UPF3B: variants seen among roughly 807,000 people sequenced by gnomAD.
UPF3B encodes UPF3B regulator of nonsense mediated mRNA decay.
In UPF3B, 7 loss-of-function variants were observed where a neutral mutation model predicts 40.3. The observed-to-expected ratio is 0.17, with a 90% CI of 0.10 to 0.33. The LOEUF is 0.33. Ranked by LOEUF, UPF3B falls within the 10% of genes least tolerant of loss-of-function variation. The pLI is 1.00. For synonymous variants in UPF3B, 117 were observed against 117.3 expected, an observed-to-expected ratio of 1.00 and a Z score of 0.01; for missense variants, 229 against 358.9, an observed-to-expected ratio of 0.64 and a Z score of 2.93.
chrX:119,850,123 C>T lies in UPF3B; in HGVS notation c.370+1372G>A, dbSNP rs1020214611. Among the ~76,000 whole-genome samples, 4 of 109,942 alleles carry T rather than the reference C, an allele frequency of 3.6e-5. No individual in the cohort carries two copies. In the East Asian group the frequency reaches 1.1e-3, roughly 31 times the overall value. On this transcript the variant is annotated intron_variant, in intron 3 of 10. Coordinates refer to ENST00000276201, the MANE Select transcript of UPF3B (RefSeq NM_080632.3). The stretch of plus-strand genomic sequence containing the variant: ...CCAGCCTGGGCAACGTAGTGAGACC[C>T]CATCTCTATAAAAAATTTAAAGAAA...
intron 5 of UPF3B, chrX:119,807,672 ACTAAAGCTCAG>A: frequency 2.1e-6 from 1 of 472,304 alleles, no homozygotes; most frequent in Non-Finnish European, 2.6e-6. Context: ...ATTAATATAT[ACTAAAGCTCAG>A]TAATTTAAGA....
At position 119,819,937 on chromosome X, in the gene UPF3B, T is replaced by C. The variant is rs192766332; in HGVS notation, c.494+3005A>G. 3.0e-3 allele frequency among the ~76,000 whole-genome samples: 310 copies of C among 102,749 alleles called. 3 individuals are homozygous for C. Among genetic ancestry groups the C allele is most frequent in the African/African-American group, 0.01 (289 of 27,638 alleles). The allele number at this position is 102,749 out of a possible 115,157, so 89.2% of individuals were successfully genotyped here. On this transcript the variant is annotated intron_variant, in intron 4 of 6. Coordinates refer to the UPF3B transcript ENST00000636792. ...TTGGCTCACTGCAATCTCCGCCTCT[T>C]GGGTTCAAACGATTCTCTAGCCTCA... is the stretch of plus-strand genomic sequence containing the variant.
chrX:119,852,225 A>T (rs2056312297), intron 1 of UPF3B, among the ~76,000 whole-genome samples: 1 of 111,846 alleles, frequency 8.9e-6, no homozygotes, highest in African/African-American at 3.3e-5. Context: ...TGTGGGTGCC[A>T]CGAAATCTTG....
At chrX:119,848,071 G>A (rs2056256517) in intron 3 of UPF3B, among the ~76,000 whole-genome samples, 1 of 109,310 alleles carries the variant, frequency 9.1e-6, no homozygotes, top group African/African-American at 3.3e-5. Context: ...CTTCAGGTCA[G>A]GAGTTTGAAA....
intron 10 of UPF3B, among the ~76,000 whole-genome samples, chrX:119,835,783 C>A (rs1180893006): frequency 1.8e-5 from 2 of 111,112 alleles, no homozygotes; most frequent in Non-Finnish European, 3.8e-5. Context: ...TGAGACCAGC[C>A]TGAGCAACAT....
At chrX:119,806,782 C>T (rs922913413) in intron 6 of UPF3B, among the ~76,000 whole-genome samples, 4 of 110,334 alleles carry the variant, frequency 3.6e-5, no homozygotes, top group Non-Finnish European at 1.9e-5. Flanking sequence ...AATCCCAGCA[C>T]TTTGGAAGGC....
chrX:119,823,542 C>A (rs867461066), intron 3 of UPF3B, among the ~76,000 whole-genome samples: 2 of 93,563 alleles, frequency 2.1e-5, no homozygotes, highest in African/African-American at 4.0e-5. Flanking sequence ...TGGCCCATTT[C>A]TTTTCTTTTT....
chrX:119,822,223 T>G (rs1332808661), intron 4 of UPF3B, among the ~76,000 whole-genome samples: 1 of 113,020 alleles, frequency 8.8e-6, no homozygotes, highest in East Asian at 2.7e-4. Flanking sequence ...TATCCTTCCC[T>G]GTACTTATAG....
chrX:119,812,089 A>C (rs1253228428), intron 5 of UPF3B, among the ~76,000 whole-genome samples: 1 of 111,221 alleles, frequency 9.0e-6, no homozygotes, highest in African/African-American at 3.3e-5. Flanking sequence ...CCCTGTCTCT[A>C]CAAAAAATAC....
At chrX:119,844,331 G>A (rs764275959) in intron 4 of UPF3B, among the ~76,000 whole-genome samples, 23 of 111,051 alleles carry the variant, frequency 2.1e-4, no homozygotes, top group Non-Finnish European at 4.0e-4. Flanking sequence ...GATTATAGGA[G>A]TGAGCCACCG....
chrX:119,826,859 CCAGT>C (rs1306055725), intron 3 of UPF3B, among the ~76,000 whole-genome samples: 11 of 111,925 alleles, frequency 9.8e-5, no homozygotes, highest in Non-Finnish European at 1.7e-4. Flanking sequence ...TGAAAGTGAT[CCAGT>C]CAAAGCGAAA....
chrX:119,817,267 G>A (rs922217445), intron 4 of UPF3B, among the ~76,000 whole-genome samples: 3 of 112,040 alleles, frequency 2.7e-5, no homozygotes, highest in South Asian at 3.6e-4. Context: ...AAGCCCAGCC[G>A]AAGAGGTTTA....
At chrX:119,807,611 G>C (rs1603364756) in intron 5 of UPF3B, 2 of 709,294 alleles carry the variant, frequency 2.8e-6, no homozygotes. Flanking sequence ...GTTACTGTTA[G>C]AACAATGCTA....
intron 5 of UPF3B, among the ~76,000 whole-genome samples, chrX:119,813,527 C>A (rs2055840538): frequency 9.1e-6 from 1 of 110,044 alleles, no homozygotes. Flanking sequence ...GCCTGCAGAA[C>A]TATAAGCCAA....
Position 119,841,031 on chromosome X carries a change from C to G in UPF3B, c.807+45G>C, listed in dbSNP as rs201492719. 4.2e-6 allele frequency: 5 copies of G among 1,186,364 alleles called. No individual in the cohort carries two copies. The Admixed American group carries it at 1.1e-4, about 26-fold the overall frequency. On this transcript the variant is annotated intron_variant, in intron 7 of 10. Transcript: ENST00000276201. The stretch of plus-strand genomic sequence containing the variant: ...GCATGCATATTTAAAGAAGTAGATA[C>G]GTGCAATTTTTAGCAACATGCAGTC...
intron 4 of UPF3B, among the ~76,000 whole-genome samples, chrX:119,818,781 C>T (rs2055886754): frequency 9.0e-6 from 1 of 111,693 alleles, no homozygotes; most frequent in African/African-American, 3.2e-5. Flanking sequence ...GTGGTTTATG[C>T]CATGGAATGT....
chrX:119,835,156 A>AAGTTGTCATTTACCGTGCCCT, intron 10 of UPF3B, 129 bp from the exon 11 acceptor site: 1 of 724,464 alleles, frequency 1.4e-6, no homozygotes, highest in Non-Finnish European at 2.1e-6. Context: ...ATGTGAGGGC[A>AAGTTGTCATTTACCGTGCCCT]CGGTAAATGA....
intron 3 of UPF3B, among the ~76,000 whole-genome samples, chrX:119,850,610 G>GA (rs2056290964): frequency 8.9e-6 from 1 of 112,328 alleles, no homozygotes; most frequent in African/African-American, 3.2e-5. Context: ...AAACCAAAAA[G>GA]AAAAGTGGCA....
chrX:119,852,654 T>C (rs2056316099), intron 1 of UPF3B, 119 bp downstream of exon 1: 5 of 1,092,180 alleles, frequency 4.6e-6, no homozygotes, highest in Non-Finnish European at 6.2e-6. Flanking sequence ...GCGACTTCCA[T>C]TCAGGCGAAG....
Sources: gnomAD v4.1 joint callset for allele counts (sites outside exome capture counted in the v4.1 genomes callset) on GRCh38, gnomAD v4.1.1 for gene constraint, MANE v1.5 for transcripts, NCBI Gene and HGNC (gene_info 2026-07-23, HGNC 2026-07-21) for gene names.